NDUFA5: variants seen among roughly 807,000 people sequenced by gnomAD.
The protein encoded by NDUFA5 is NADH dehydrogenase [ubiquinone] 1 alpha subcomplex subunit 5.
NDUFA5 carries 11 observed loss-of-function variants against 19.8 expected under a neutral mutation model. The observed-to-expected ratio is 0.56, with a 90% CI of 0.35 to 0.92. The LOEUF (loss-of-function observed/expected upper bound fraction) is 0.92, where lower values mean the gene tolerates loss of function less well. Ranked by LOEUF, NDUFA5 falls within the 40% of genes least tolerant of loss-of-function variation. NDUFA5 has a pLI of 0.01. For missense variants in NDUFA5, 109 were observed against 134.2 expected (o/e 0.81, Z 0.93); for synonymous variants, 47 against 46.8 (o/e 1.00, Z -0.01).
chr7:123,556,901 C>T, intron 2 of NDUFA5: 1 of 507,764 alleles, frequency 2.0e-6, no homozygotes, highest in South Asian at 1.4e-5. Context: ...TTTGAGTTAT[C>T]TGTAAAGTGA....
chr7:123,564,143 A>G, the NDUFA5 span, among the ~76,000 whole-genome samples: 1 of 152,206 alleles, frequency 6.6e-6, no homozygotes, highest in Non-Finnish European at 1.5e-5. Flanking sequence ...TAAATCAATA[A>G]AACAACAACA....
chr7:123,600,696 T>A, the NDUFA5 span, among the ~76,000 whole-genome samples: 2 of 152,224 alleles, frequency 1.3e-5, no homozygotes, highest in African/African-American at 4.8e-5. Flanking sequence ...CTCAGTTTGC[T>A]TTGAAGATGA....
chr7:123,579,822 G>A, the NDUFA5 span, among the ~76,000 whole-genome samples: 1 of 152,010 alleles, frequency 6.6e-6, no homozygotes, highest in Non-Finnish European at 1.5e-5. Context: ...TTCCTATTTA[G>A]ACATTTAGTT....
At chr7:123,581,167 G>A in the NDUFA5 span, among the ~76,000 whole-genome samples, 1 of 151,882 alleles carries the variant, frequency 6.6e-6, no homozygotes, top group South Asian at 2.1e-4. Context: ...TTCTCTGAGA[G>A]CATGAATGTT....
intron 4 of NDUFA5, among the ~76,000 whole-genome samples, chr7:123,542,588 T>C (rs1303318229): frequency 1.3e-5 from 2 of 152,224 alleles, no homozygotes; most frequent in East Asian, 3.8e-4. Context: ...TAAGAAAATA[T>C]GTTTTATTTT....
the NDUFA5 span, among the ~76,000 whole-genome samples, chr7:123,586,545 C>T: frequency 6.6e-6 from 1 of 151,600 alleles, no homozygotes; most frequent in African/African-American, 2.4e-5. Flanking sequence ...TGTGCAGAAA[C>T]TTTTAAAATT....
the NDUFA5 span, among the ~76,000 whole-genome samples, chr7:123,567,539 T>C: frequency 7.2e-5 from 11 of 152,220 alleles, no homozygotes; most frequent in Non-Finnish European, 1.6e-4. Flanking sequence ...AGCTCTTTTG[T>C]GAGGGACTGG....
chr7:123,570,810 A>G, the NDUFA5 span, among the ~76,000 whole-genome samples: 1 of 152,130 alleles, frequency 6.6e-6, no homozygotes, highest in Non-Finnish European at 1.5e-5. Context: ...TTACCACTGC[A>G]TTTATATAGT....
At chr7:123,580,782 G>A in the NDUFA5 span, among the ~76,000 whole-genome samples, 3 of 151,876 alleles carry the variant, frequency 2.0e-5, no homozygotes, top group Admixed American at 1.3e-4. Flanking sequence ...CCTGAGATAA[G>A]GGCTTAGAGA....
At chr7:123,575,009 C>A in the NDUFA5 span, among the ~76,000 whole-genome samples, 1 of 151,064 alleles carries the variant, frequency 6.6e-6, no homozygotes, top group Non-Finnish European at 1.5e-5. Context: ...TGATCCTTTT[C>A]CCTAAGCAAT....
intron 2 of NDUFA5, among the ~76,000 whole-genome samples, chr7:123,553,651 C>T (rs760351626): frequency 2.6e-5 from 4 of 152,156 alleles, no homozygotes; most frequent in African/African-American, 4.8e-5. Context: ...TACTTAGCAA[C>T]GGTTAAGGGT....
chr7:123,572,126 A>C, the NDUFA5 span, among the ~76,000 whole-genome samples: 1 of 131,076 alleles, frequency 7.6e-6, no homozygotes, highest in Non-Finnish European at 1.6e-5. Context: ...GTGATTGTAG[A>C]ATTTCTTTTT....
In NDUFA5 at chr7:123,545,687, A is replaced by G; in HGVS notation, c.184-11T>C. 1 of 1,592,686 alleles carries G rather than the reference A, an allele frequency of 6.3e-7. No homozygotes were observed. The highest frequency in any genetic ancestry group is 8.6e-7 in the Non-Finnish European group (1 of 1,166,524). ...TTTAACATCTGGTTCCTATAATTTC[A>G]GGGAGAAAAAAAATTAAAGAAGCAT... On this transcript the variant is annotated splice_polypyrimidine_tract_variant and intron_variant, in intron 3 of 4. Transcript: ENST00000355749.
chr7:123,565,195 A>C, the NDUFA5 span, among the ~76,000 whole-genome samples: 1 of 152,178 alleles, frequency 6.6e-6, no homozygotes, highest in African/African-American at 2.4e-5. Flanking sequence ...GTCTCAGCTC[A>C]AACAGGGAGA....
chr7:123,572,420 C>T, the NDUFA5 span, among the ~76,000 whole-genome samples: 13 of 151,688 alleles, frequency 8.6e-5, no homozygotes, highest in East Asian at 5.8e-4. Context: ...ATTACAGGCA[C>T]GAGCCACCAC....
rs1797806254 is a variant in NDUFA5, at chr7:123,538,104, T to A, written c.*4015A>T. 6.6e-6 allele frequency: 1 copy of A among 152,232 alleles called. No homozygotes were observed. The highest frequency in any genetic ancestry group is 2.4e-5 in the African/African-American group (1 of 41,460). The allele number at this position is 152,232 out of a possible 1,614,324, so 9.4% of individuals were successfully genotyped here. A position where few individuals can be genotyped will look rare whatever the true frequency, so the allele number is the denominator to read the frequency against. ...ATTTAACCTTGGTTGTTTCTTTTTT[T>A]TTATTCCTATGTGTAATTTACCATG... On this transcript the variant is annotated 3_prime_UTR_variant, in exon 5 of 5. Transcript: ENST00000355749.
the NDUFA5 span, among the ~76,000 whole-genome samples, chr7:123,580,995 G>A: frequency 4.6e-5 from 7 of 151,948 alleles, no homozygotes; most frequent in East Asian, 1.9e-4. Flanking sequence ...ACCAACAGGC[G>A]TCCATTCCTG....
At chr7:123,557,908 C>A, upstream of NDUFA5, 1 of 1,581,954 alleles carries the variant, frequency 6.3e-7, no homozygotes, top group Non-Finnish European at 8.6e-7. Context: ...AGCTCCACCC[C>A]TTCAGGATCG....
intron 1 of NDUFA5, 73 bp downstream of exon 1, chr7:123,557,702 G>A (rs1798615787): frequency 1.3e-5 from 21 of 1,613,968 alleles, no homozygotes; most frequent in Non-Finnish European, 1.8e-5. Flanking sequence ...GTCAACACCC[G>A]CGGGAAGTAG....
Sources: allele counts gnomAD v4.1 joint callset (sites outside exome capture counted in the v4.1 genomes callset), GRCh38; gene constraint gnomAD v4.1.1; transcripts MANE v1.5; gene names NCBI Gene and HGNC (gene_info 2026-07-23, HGNC 2026-07-21).